The following C1QTNF6 variants were observed in gnomAD, a reference collection of about 807,000 sequenced individuals.
C1QTNF6 encodes C1q and TNF related 6.
Under a neutral mutation model 20.7 loss-of-function variants are expected in C1QTNF6, and 17 were observed. That is an observed-to-expected ratio of 0.82 (90% CI 0.56 to 1.23). The LOEUF (loss-of-function observed/expected upper bound fraction) is 1.23. C1QTNF6 is among the 50% of genes most tolerant of loss of function. C1QTNF6 has a pLI of 0.00. For synonymous variants in C1QTNF6, 130 were observed against 156.3 expected (o/e 0.83, Z 1.25); for missense variants, 329 against 389.7 (o/e 0.84, Z 1.31).
rs1409455009 is a variant in C1QTNF6, at chr22:37,180,578, G to C, written c.*1610C>G. ...CCCTTCTCCTGCAGGTGTTTGTAAA[G>C]GCAGCACCAGGCCGGAGGAGGGCTC... On this transcript the variant is annotated 3_prime_UTR_variant, in exon 3 of 3. Transcript: ENST00000337843. 6.6e-6 allele frequency: 1 copy of C among 152,588 alleles called. No individual in the cohort carries two copies. Among genetic ancestry groups the C allele is most frequent in the Non-Finnish European group, 1.5e-5 (1 of 68,210 alleles). 9.5% of individuals were successfully genotyped at this position (152,588 alleles called of 1,614,324 possible). A position where few individuals can be genotyped will look rare whatever the true frequency, so the allele number is the denominator to read the frequency against.
upstream of C1QTNF6, among the ~76,000 whole-genome samples, chr22:37,192,886 AAC>A: frequency 6.6e-6 from 1 of 152,334 alleles, no homozygotes; most frequent in South Asian, 2.1e-4. Context: ...CCCTTCAAGA[AAC>A]AGGGCCAGGA....
upstream of C1QTNF6, among the ~76,000 whole-genome samples, chr22:37,192,964 A>T (rs1924909024): frequency 6.6e-6 from 1 of 152,198 alleles, no homozygotes; most frequent in African/African-American, 2.4e-5. Context: ...CCCCAAAATT[A>T]AGGGTTTCAT....
At position 37,184,519 on chromosome 22, in the gene C1QTNF6, C is replaced by T. The variant is rs772897526; in HGVS notation, c.289+699G>A. ...TCACCTGGACGGGCCCTCACCTGGA[C>T]AGCCCTCACCTGGACAGCCCTCACC... On this transcript the variant is annotated intron_variant, in intron 2 of 2. Coordinates refer to ENST00000337843, the MANE Select transcript of C1QTNF6 (RefSeq NM_031910.4). The surrounding 1 kb of genome is among the most constrained non-coding windows in gnomAD (Gnocchi z 4.0). The T allele has an allele frequency of 2.4e-5, 17 of 709,738 alleles. No homozygotes were observed. Among genetic ancestry groups the T allele is most frequent in the Non-Finnish European group, 4.2e-5 (16 of 382,668 alleles). 44.0% of individuals were successfully genotyped at this position (709,738 alleles called of 1,614,324 possible).
upstream of C1QTNF6, among the ~76,000 whole-genome samples, chr22:37,198,645 G>A (rs1291906674): frequency 2.0e-5 from 3 of 152,228 alleles, no homozygotes; most frequent in South Asian, 2.1e-4. Flanking sequence ...CTCCTGCTGG[G>A]CAGAGCCCCC....
At chr22:37,188,318 C>A (rs1161678309), upstream of C1QTNF6, 13 of 597,784 alleles carry the variant, frequency 2.2e-5, 1 homozygote, top group East Asian at 1.1e-3. Context: ...GGAGAGAGGG[C>A]GGAGGGAGGG....
upstream of C1QTNF6, among the ~76,000 whole-genome samples, chr22:37,189,114 C>A (rs768644600): frequency 6.6e-6 from 1 of 152,128 alleles, no homozygotes; most frequent in Non-Finnish European, 1.5e-5. Flanking sequence ...CTTCCTCCCC[C>A]TTTTAGACAA....
rs763947615 is a variant in C1QTNF6 at position 37,182,145 on chromosome 22, C to A, written c.*43G>T. The A allele has an allele frequency of 2.5e-6, 4 of 1,570,202 alleles. No individual in the cohort carries two copies. The highest frequency in any genetic ancestry group is 3.5e-6 in the Non-Finnish European group (4 of 1,156,490). ...AAACTGAGCCCTGCAGGGGACGGGA[C>A]CAGCACCTGAGCTCTCCAGCCGGGA... On this transcript the variant is annotated 3_prime_UTR_variant, in exon 3 of 3. Coordinates refer to ENST00000337843, the MANE Select transcript of C1QTNF6 (RefSeq NM_031910.4).
intron 2 of C1QTNF6, among the ~76,000 whole-genome samples, chr22:37,194,515 T>C (rs1925023507): frequency 6.6e-6 from 1 of 152,194 alleles, no homozygotes; most frequent in Non-Finnish European, 1.5e-5. Flanking sequence ...GTTCCCTTTC[T>C]CTCTGTGGCT....
At position 37,185,298 on chromosome 22, in the gene C1QTNF6, T is replaced by C. The variant is rs755800398; in HGVS notation, c.209A>G (p.His70Arg). Residue 70 changes from histidine to arginine, a missense_variant, in exon 2 of 3, where the codon CAT (histidine) becomes CGT (arginine). By Grantham distance (29) the His-to-Arg change is conservative. Coordinates refer to ENST00000337843, the MANE Select transcript of C1QTNF6 (RefSeq NM_031910.4). ...GCCGGAGGAAGAGGCTGAGGATACA[T>C]GGGCAGGATCCAGGGGGTCCTCAGA... ...CDSEDPLDPA[H>R]VSSASSSGRP... The C allele has an allele frequency of 8.1e-6, 13 of 1,612,696 alleles. No homozygotes were observed. In the East Asian group the frequency reaches 1.8e-4, roughly 22 times the overall value.
chr22:37,185,361 T>C lies in C1QTNF6; in HGVS notation c.146A>G (p.Asp49Gly). The C allele has an allele frequency of 6.2e-7, 1 of 1,613,690 alleles. No individual in the cohort carries two copies. Among genetic ancestry groups the C allele is most frequent in the Non-Finnish European group, 8.5e-7 (1 of 1,179,888 alleles). ...CEIPMVELTF[D>G]RAVASGCQRC... ...TTGGCAGCCGCTGGCCACAGCTCTG[T>C]CAAAGGTGAGCTCCACCATAGGGAT... Residue 49 changes from aspartate to glycine, a missense_variant, in exon 2 of 3, where the codon GAC becomes GGC. Physicochemically the swap from Asp to Gly is moderately conservative, Grantham distance 94. Transcript: ENST00000337843.
chr22:37,190,835 T>C (rs889969509), upstream of C1QTNF6: 3 of 152,238 alleles, frequency 2.0e-5, no homozygotes, highest in Admixed American at 6.5e-5. Flanking sequence ...AATTTTGTTT[T>C]TGGACAAAAC....
intron 1 of C1QTNF6, among the ~76,000 whole-genome samples, chr22:37,186,416 A>C (rs1207464484): frequency 6.6e-6 from 1 of 152,230 alleles, no homozygotes; most frequent in Non-Finnish European, 1.5e-5. Flanking sequence ...AGAGAGAGTT[A>C]GTTCATTGGA....
upstream of C1QTNF6, among the ~76,000 whole-genome samples, chr22:37,189,080 G>A (rs181014602): frequency 2.0e-5 from 3 of 152,276 alleles, no homozygotes; most frequent in East Asian, 3.9e-4. Flanking sequence ...CCAGGAAAGG[G>A]GTGGGAATTT....
intron 2 of C1QTNF6, among the ~76,000 whole-genome samples, chr22:37,183,905 A>C (rs1487349642): frequency 6.6e-6 from 1 of 152,184 alleles, no homozygotes; most frequent in East Asian, 1.9e-4. Flanking sequence ...GGGAGAGACC[A>C]GCCTGACTCA....
chr22:37,187,916 T>C (rs1924515012), intron 1 of C1QTNF6, among the ~76,000 whole-genome samples: 1 of 151,954 alleles, frequency 6.6e-6, no homozygotes, highest in Non-Finnish European at 1.5e-5. Context: ...GCAACTTTTC[T>C]CGGTCCAGGC....
chr22:37,195,089 C>T (rs1487226014), intron 2 of C1QTNF6, among the ~76,000 whole-genome samples: 2 of 152,206 alleles, frequency 1.3e-5, no homozygotes, highest in Non-Finnish European at 2.9e-5. Flanking sequence ...TGATCCTGTA[C>T]GTGCCTAATC....
Position 37,182,445 on chromosome 22 carries a change from T to C in C1QTNF6, c.580A>G (p.Ser194Gly). 6.2e-7 allele frequency: 1 copy of C among 1,614,258 alleles called. No homozygotes were observed. Among genetic ancestry groups the C allele is most frequent in the Non-Finnish European group, 8.5e-7 (1 of 1,180,038 alleles). Reference sequence around the variant, plus strand: ...TAATTCCAGCTGTGCACATTGAGGCTGAAGAAGTAGATGCCACGCAGGGGA... The same window carrying C: ...TAATTCCAGCTGTGCACATTGAGGCCGAAGAAGTAGATGCCACGCAGGGGA... The part of the protein sequence containing the change: ...AAPLRGIYFF[S>G]LNVHSWNYKE... The change falls in exon 3 of 3, where the codon AGC becomes GGC. Residue 194 changes from serine (S) to glycine (G), a missense_variant. Transcript: ENST00000337843.
chr22:37,193,228 C>A (rs570223883), upstream of C1QTNF6, among the ~76,000 whole-genome samples: 3 of 152,268 alleles, frequency 2.0e-5, no homozygotes, highest in Middle Eastern at 6.8e-3. Context: ...TTCTGATATC[C>A]CCAAAAGTCA....
chr22:37,185,765 A>G (rs1454809339), intron 1 of C1QTNF6: 1 of 1,049,888 alleles, frequency 9.5e-7, no homozygotes, highest in Non-Finnish European at 1.1e-6. Context: ...CACAGCTGAG[A>G]GCAGACAGGG....
Sources: allele counts gnomAD v4.1 joint callset (sites outside exome capture counted in the v4.1 genomes callset), GRCh38; gene constraint gnomAD v4.1.1; non-coding constraint Gnocchi (gnomAD v3.1); transcripts MANE v1.5; gene names NCBI Gene and HGNC (gene_info 2026-07-23, HGNC 2026-07-21).